The following MTPN variants were observed in gnomAD, a reference collection of about 807,000 sequenced individuals.
MTPN encodes the protein granule cell differentiation protein.
Under a neutral mutation model 13.5 loss-of-function variants are expected in MTPN, and 2 were observed. The ratio of observed to expected loss-of-function variants is 0.15; its 90% confidence interval spans 0.06 to 0.47. The LOEUF is 0.47. MTPN is among the 20% of genes least tolerant of loss of function. The probability of loss-of-function intolerance (pLI) is 0.97; values close to 1 mark genes in which losing one functional copy is unlikely to be tolerated. For synonymous variants in MTPN, 46 were observed against 51.7 expected, an observed-to-expected ratio of 0.89 and a Z score of 0.48; for missense variants, 79 against 137.9, an observed-to-expected ratio of 0.57 and a Z score of 2.14.
At chr7:135,939,984 T>A (rs1799183278) in intron 3 of MTPN, among the ~76,000 whole-genome samples, 1 of 152,204 alleles carries the variant, frequency 6.6e-6, no homozygotes, top group Non-Finnish European at 1.5e-5. Context: ...AATTATTTTT[T>A]TAAAAATACT....
intron 3 of MTPN, among the ~76,000 whole-genome samples, chr7:135,935,722 G>A (rs2116346393): frequency 6.6e-6 from 1 of 152,246 alleles, no homozygotes; most frequent in South Asian, 2.1e-4. Flanking sequence ...CTAGTCATAG[G>A]CCTTGCTAAA....
chr7:135,927,161 A>T lies in MTPN; in HGVS notation c.*2765T>A. On this transcript the variant is annotated 3_prime_UTR_variant, in exon 4 of 4. Transcript: ENST00000393085. ...AGAAAAAAAAATCAAACAGATACAT[A>T]CAGATTTAAAATCCAGTACTTGGGA... 2.6e-6 allele frequency: 2 copies of T among 774,300 alleles called. No homozygotes were observed. The highest frequency in any genetic ancestry group is 3.9e-6 in the Non-Finnish European group (2 of 516,124). The allele number at this position is 774,300 out of a possible 1,614,324, so 48.0% of individuals were successfully genotyped here.
At chr7:135,974,314 C>T (rs1413287387) in intron 1 of MTPN, among the ~76,000 whole-genome samples, 1 of 152,048 alleles carries the variant, frequency 6.6e-6, no homozygotes, top group South Asian at 2.1e-4. Context: ...GAGGCCGAGG[C>T]CAGAAGATCG....
chr7:135,947,587 C>G (rs1302977426), intron 3 of MTPN, among the ~76,000 whole-genome samples: 1 of 152,018 alleles, frequency 6.6e-6, no homozygotes, highest in Non-Finnish European at 1.5e-5. Context: ...AAAAATGAGG[C>G]CACAAGTCTT....
intron 1 of MTPN, among the ~76,000 whole-genome samples, chr7:135,956,295 G>C (rs1414949778): frequency 1.3e-5 from 2 of 152,184 alleles, no homozygotes; most frequent in African/African-American, 2.4e-5. Context: ...CAGAGATAAA[G>C]ATACCTATTC....
At chr7:135,942,169 G>A (rs149389939) in intron 3 of MTPN, among the ~76,000 whole-genome samples, 2,203 of 152,194 alleles carry the variant, frequency 0.014, 28 homozygotes, top group Non-Finnish European at 0.024. Flanking sequence ...GATTACAGGC[G>A]TGAGCTACTG....
At chr7:135,970,252 G>A (rs1462130951) in intron 1 of MTPN, among the ~76,000 whole-genome samples, 3 of 152,198 alleles carry the variant, frequency 2.0e-5, no homozygotes, top group Admixed American at 6.5e-5. Context: ...AAAAACAGAT[G>A]AGTAAGTAAA....
chr7:135,973,161 T>C lies in MTPN; in HGVS notation c.72+3868A>G, dbSNP rs551910422. ...AGATTACATGCTTATATTCATGTTA[T>C]TGAGAGATCCCTCCACCTAAACTGT... On this transcript the variant is annotated intron_variant, in intron 1 of 3. Transcript: ENST00000393085. Among the ~76,000 whole-genome samples the C allele has an allele frequency of 9.8e-4, 148 of 150,312 alleles. 1 individual carries two copies. The highest frequency in any genetic ancestry group is 3.5e-3 in the African/African-American group (143 of 40,994).
chr7:135,971,995 G>A (rs1445815707), intron 1 of MTPN, among the ~76,000 whole-genome samples: 1 of 152,144 alleles, frequency 6.6e-6, no homozygotes, highest in African/African-American at 2.4e-5. Flanking sequence ...GAGAGTTTAA[G>A]TTTACAGAGA....
In MTPN at chr7:135,929,813, C is replaced by T; in HGVS notation, c.*113G>A. On this transcript the variant is annotated 3_prime_UTR_variant, in exon 4 of 4. Coordinates refer to ENST00000393085, the MANE Select transcript of MTPN (RefSeq NM_145808.4). ...TTATGAATTTCTCTCTCCCCTCACC[C>T]CTCTTAAAGTATTTAGCTGAAGAAG... 9.5e-7 allele frequency: 1 copy of T among 1,051,564 alleles called. No homozygotes were observed. Among genetic ancestry groups the T allele is most frequent in the South Asian group, 1.4e-5 (1 of 73,174 alleles). The allele number at this position is 1,051,564 out of a possible 1,614,324, so 65.1% of individuals were successfully genotyped here.
At chr7:135,971,092 C>T (rs895949046) in intron 1 of MTPN, among the ~76,000 whole-genome samples, 1 of 152,144 alleles carries the variant, frequency 6.6e-6, no homozygotes, top group African/African-American at 2.4e-5. Context: ...TGATATCTTT[C>T]TCAGGTTCAA....
chr7:135,954,063 G>A (rs1799404219), intron 1 of MTPN, among the ~76,000 whole-genome samples: 1 of 152,172 alleles, frequency 6.6e-6, no homozygotes, highest in African/African-American at 2.4e-5. Context: ...CCACTTAGTT[G>A]TGGGACCAGA....
Position 135,974,315 on chromosome 7 carries a change from CAGA to C in MTPN, c.72+2711_72+2713del, listed in dbSNP as rs539538063. Among the ~76,000 whole-genome samples the C allele has an allele frequency of 3.7e-3, 557 of 152,186 alleles. 2 individuals are homozygous for C. The highest frequency in any genetic ancestry group is 6.5e-3 in the Non-Finnish European group (441 of 67,998). ...TCCCAGTGCTTTGGGAGGCCGAGGCCAGAAGATCGCTTGAGGCTAGGAGTTTGA... is the reference window on the plus strand; with the variant it reads ...TCCCAGTGCTTTGGGAGGCCGAGGCCAGATCGCTTGAGGCTAGGAGTTTGA... On this transcript the variant is annotated intron_variant, in intron 1 of 3. Transcript: ENST00000393085.
intron 1 of MTPN, among the ~76,000 whole-genome samples, chr7:135,957,344 G>A (rs556483731): frequency 1.2e-4 from 19 of 152,254 alleles, no homozygotes; most frequent in African/African-American, 4.1e-4. Flanking sequence ...AGAGTAAGAT[G>A]AGGATTTAGA....
rs1288216532 is a variant in MTPN, at chr7:135,928,110, C to T, written c.*1816G>A. 2 of 171,154 alleles carry T rather than the reference C, an allele frequency of 1.2e-5. No homozygotes were observed. Among genetic ancestry groups the T allele is most frequent in the African/African-American group, 2.4e-5 (1 of 41,454 alleles). 10.6% of individuals were successfully genotyped at this position (171,154 alleles called of 1,614,324 possible). ...TTTAGTTCAGTGATGTAATAAAGTA[C>T]TGATTACTGATTTTTAACCCAACTC... is the stretch of plus-strand genomic sequence containing the variant. On this transcript the variant is annotated 3_prime_UTR_variant, in exon 4 of 4. Transcript: ENST00000393085.
rs1798984211 is a variant in MTPN, at chr7:135,929,696, G to A, written c.*230C>T. 1.8e-6 allele frequency: 1 copy of A among 554,650 alleles called. No individual in the cohort carries two copies. Among genetic ancestry groups the A allele is most frequent in the Admixed American group, 3.1e-5 (1 of 32,312 alleles). 34.4% of individuals were successfully genotyped at this position (554,650 alleles called of 1,614,324 possible). A position where few individuals can be genotyped will look rare whatever the true frequency, so the allele number is the denominator to read the frequency against. On this transcript the variant is annotated 3_prime_UTR_variant, in exon 4 of 4. Coordinates refer to ENST00000393085, the MANE Select transcript of MTPN (RefSeq NM_145808.4). ...GTATATTTTATTAGAAAGGGAAGAGGCTTACTTGATCAGGAATCCCAGTAA... is the reference window on the plus strand; with the variant it reads ...GTATATTTTATTAGAAAGGGAAGAGACTTACTTGATCAGGAATCCCAGTAA...
chr7:135,960,262 C>G (rs1395865136), intron 1 of MTPN, among the ~76,000 whole-genome samples: 1 of 152,094 alleles, frequency 6.6e-6, no homozygotes, highest in East Asian at 1.9e-4. Flanking sequence ...TCTAATCAAG[C>G]TACCATGAAG....
intron 1 of MTPN, among the ~76,000 whole-genome samples, chr7:135,972,589 C>T (rs1182646011): frequency 2.0e-5 from 3 of 152,060 alleles, no homozygotes; most frequent in African/African-American, 7.3e-5. Flanking sequence ...TTCCTTGGCG[C>T]TATGTTGGAG....
intron 3 of MTPN, among the ~76,000 whole-genome samples, chr7:135,938,792 G>T (rs1235338728): frequency 6.6e-6 from 1 of 152,166 alleles, no homozygotes; most frequent in East Asian, 1.9e-4. Context: ...AACCAAGACT[G>T]AGCCCGGCTA....
Sources: gnomAD v4.1 joint callset for allele counts (sites outside exome capture counted in the v4.1 genomes callset) on GRCh38, gnomAD v4.1.1 for gene constraint, MANE v1.5 for transcripts, NCBI Gene and HGNC (gene_info 2026-07-23, HGNC 2026-07-21) for gene names.